Variants in SCN9A observed in about 807,000 individuals in gnomAD.
The protein encoded by SCN9A is sodium channel protein type 9 subunit alpha.
A neutral mutation model predicts 187.0 loss-of-function variants in SCN9A; 131 were observed. That is an observed-to-expected ratio of 0.70 (90% CI 0.61 to 0.81). The LOEUF is 0.81. Among genes scored for constraint, SCN9A ranks in the 30% least tolerant of loss-of-function variants. The probability of loss-of-function intolerance (pLI) is 0.00; values close to 1 mark genes in which losing one functional copy is unlikely to be tolerated. For synonymous variants in SCN9A, 809 were observed against 808.6 expected, an observed-to-expected ratio of 1.00 and a Z score of -0.01; for missense variants, 2,252 against 2,396.6, an observed-to-expected ratio of 0.94 and a Z score of 1.26.
chr2:166,293,243 G>T lies in SCN9A; in HGVS notation c.1095C>A (p.Asn365Lys). The stretch of plus-strand genomic sequence containing the variant: ...TCTTGGTACTCACCTGTTGGTAAAG[G>T]TTTTCCCAGTAATCTTGGGTCATTA... Reference protein sequence around the residue: ...FRLMTQDYWENLYQQTLRAAG... With the variant: ...FRLMTQDYWEKLYQQTLRAAG... Residue 365 changes from asparagine to lysine, a missense_variant, in exon 9 of 27, where the codon AAC becomes AAA. Asn to Lys is a moderately conservative substitution (Grantham distance 94). Around this residue, in one of 7 missense-constraint regions of SCN9A, gnomAD observed 1,013 missense variants for 997.4 expected, o/e 1.02. Coordinates refer to ENST00000642356, the MANE Select transcript of SCN9A (RefSeq NM_001365536.1). 1 of 1,583,422 alleles carries T rather than the reference G, an allele frequency of 6.3e-7. No homozygotes were observed.
At chr2:166,307,717 G>A (rs1199164878) in intron 2 of SCN9A, among the ~76,000 whole-genome samples, 1 of 152,120 alleles carries the variant, frequency 6.6e-6, no homozygotes, top group Admixed American at 6.5e-5. Context: ...GATATGAATA[G>A]AAGCAAACAT....
intron 1 of SCN9A, among the ~76,000 whole-genome samples, chr2:166,341,877 C>T (rs1456642160): frequency 6.6e-6 from 1 of 152,172 alleles, no homozygotes; most frequent in Non-Finnish European, 1.5e-5. Flanking sequence ...ATTAATCTGT[C>T]ATTTCATTCA....
intron 4 of SCN9A, among the ~76,000 whole-genome samples, 188 bp downstream of exon 4, chr2:166,306,322 A>C (rs751136819): frequency 1.1e-4 from 17 of 152,142 alleles, no homozygotes; most frequent in Non-Finnish European, 2.2e-4. Flanking sequence ...AAAACACTGT[A>C]GCATCTAATT....
chr2:166,350,783 A>G (rs975658147), intron 1 of SCN9A, among the ~76,000 whole-genome samples: 2 of 152,180 alleles, frequency 1.3e-5, no homozygotes, highest in African/African-American at 4.8e-5. Context: ...AAAGCTCAAA[A>G]AGAACATTTT....
At chr2:166,297,381 T>C (rs1346142251) in intron 7 of SCN9A, among the ~76,000 whole-genome samples, 1 of 152,058 alleles carries the variant, frequency 6.6e-6, no homozygotes, top group East Asian at 1.9e-4. Context: ...AACTGATGAA[T>C]GTATAAACAA....
Position 166,360,151 on chromosome 2 carries a change from G to C in SCN9A, c.-51+15546C>G, listed in dbSNP as rs375763051. ...CAGGAGAACTGCTTGAACCCGGGAGGTGGATTGTAGTGAGCTGAGATCGGG... is the reference window on the plus strand; with the variant it reads ...CAGGAGAACTGCTTGAACCCGGGAGCTGGATTGTAGTGAGCTGAGATCGGG... On this transcript the variant is annotated intron_variant, in intron 1 of 26. Transcript: ENST00000642356. 4.8e-4 allele frequency among the ~76,000 whole-genome samples: 72 copies of C among 148,922 alleles called. No individual in the cohort carries two copies. The East Asian group carries it at 0.013, about 27-fold the overall frequency.
chr2:166,330,669 A>T (rs1057121814), intron 1 of SCN9A, among the ~76,000 whole-genome samples: 1 of 152,184 alleles, frequency 6.6e-6, no homozygotes. Flanking sequence ...TTTTGGGACG[A>T]AACTATTCCA....
intron 24 of SCN9A, among the ~76,000 whole-genome samples, chr2:166,206,508 C>T (rs112507285): frequency 6.6e-6 from 1 of 152,054 alleles, no homozygotes; most frequent in East Asian, 1.9e-4. Context: ...ACACCAGGGG[C>T]AGTTAGGGGG....
intron 2 of SCN9A, among the ~76,000 whole-genome samples, chr2:166,308,690 A>AGGTG (rs1466138222): frequency 6.6e-6 from 1 of 152,114 alleles, no homozygotes; most frequent in Non-Finnish European, 1.5e-5. Flanking sequence ...TGGGAGGCCA[A>AGGTG]GGTGGGCAGA....
In SCN9A at chr2:166,284,500, G is replaced by A. The variant is rs201479312; in HGVS notation, c.1927C>T (p.Gln643Ter). ...TCTATTATCACCTCTGGCAGAAGCT[G>A]TCCATTGGGGAGCATGAGGGCTGAG... The part of the protein sequence containing the change: ...GRSALMLPNG[Q>*]LLPEVIIDKA... Residue 643 changes from glutamine (Q) to a stop codon, truncating the protein, a stop_gained, in exon 12 of 27, where the codon CAG becomes TAG. Coordinates refer to ENST00000642356, the MANE Select transcript of SCN9A (RefSeq NM_001365536.1). LOFTEE classifies it high-confidence loss of function. 7.4e-6 allele frequency: 12 copies of A among 1,614,058 alleles called. No homozygotes were observed. The highest frequency in any genetic ancestry group is 1.0e-5 in the Non-Finnish European group (12 of 1,179,982).
At chr2:166,226,805 A>T (rs1574756793) in intron 23 of SCN9A, 101 bp from the exon 24 acceptor site, 3 of 777,284 alleles carry the variant, frequency 3.9e-6, no homozygotes, top group Non-Finnish European at 3.8e-6. Flanking sequence ...TATCCTAGGT[A>T]AACATAGGAT....
At chr2:166,304,145 C>T in intron 6 of SCN9A, 93 bp downstream of exon 6, 1 of 1,612,796 alleles carries the variant, frequency 6.2e-7, no homozygotes, top group Non-Finnish European at 8.5e-7. Flanking sequence ...AGTTTATACA[C>T]ACAGTGACGA....
At position 166,277,265 on chromosome 2, in the gene SCN9A, C is replaced by A. The variant is rs200926792; in HGVS notation, c.2592G>T (p.Gly864=). The stretch of plus-strand genomic sequence containing the variant: ...ACACTAAGGTGAGGTTACCTAGAGC[C>A]CCTACTGAGTTACCAATGATCTTAA... The part of the protein sequence containing the change: ...MLIKIIGNSV[G]ALGNLTLVLA... The change falls in exon 16 of 27, where the codon GGG becomes GGT. Residue 864 remains glycine (G), a synonymous_variant. Transcript: ENST00000642356. 6.2e-7 allele frequency: 1 copy of A among 1,614,008 alleles called. No homozygotes were observed.
intron 13 of SCN9A, among the ~76,000 whole-genome samples, chr2:166,281,328 G>A (rs1697476796): frequency 6.6e-6 from 1 of 152,158 alleles, no homozygotes; most frequent in South Asian, 2.1e-4. Context: ...TATAGTGACA[G>A]AATCACGTAG....
At position 166,369,404 on chromosome 2, in the gene SCN9A, C is replaced by T. The variant is rs149157378; in HGVS notation, c.-51+6293G>A. Among the ~76,000 whole-genome samples the T allele has an allele frequency of 1.8e-3, 267 of 152,200 alleles. 1 individual carries two copies. The highest frequency in any genetic ancestry group is 5.8e-3 in the African/African-American group (241 of 41,524). The stretch of plus-strand genomic sequence containing the variant: ...GAGATGTAATATAAATTTTGAAAGG[C>T]ACTTCTCTGCCTAGCTGTTCTACAA... On this transcript the variant is annotated intron_variant, in intron 1 of 26. Transcript: ENST00000642356.
intron 7 of SCN9A, chr2:166,302,794 T>C (rs1698613051): frequency 6.1e-6 from 1 of 163,768 alleles, no homozygotes; most frequent in Non-Finnish European, 1.3e-5. Flanking sequence ...TAATGGTTAA[T>C]GTTATTAATT....
intron 17 of SCN9A, among the ~76,000 whole-genome samples, chr2:166,271,638 T>C (rs1378595617): frequency 6.6e-6 from 1 of 152,012 alleles, no homozygotes; most frequent in Non-Finnish European, 1.5e-5. Flanking sequence ...AAGAATTGCC[T>C]GAGTCCAGTA....
At chr2:166,351,626 C>A (rs951683952) in intron 1 of SCN9A, among the ~76,000 whole-genome samples, 14 of 152,122 alleles carry the variant, frequency 9.2e-5, no homozygotes, top group Non-Finnish European at 1.6e-4. Flanking sequence ...AATTCCCTGG[C>A]TGGATTCATC....
chr2:166,204,541 G>A (rs1693706207), intron 24 of SCN9A, 77 bp from the exon 25 acceptor site: 2 of 833,970 alleles, frequency 2.4e-6, no homozygotes, highest in South Asian at 4.2e-5. Context: ...TACTAAAATA[G>A]GTTAAAATGT....
Sources: gnomAD v4.1 joint callset for allele counts (sites outside exome capture counted in the v4.1 genomes callset) on GRCh38, gnomAD v4.1.1 for gene constraint, gnomAD v4.1.1 regional missense constraint, MANE v1.5 for transcripts, NCBI Gene and HGNC (gene_info 2026-07-23, HGNC 2026-07-21) for gene names.